Variants in DCC observed in about 807,000 individuals in gnomAD.
DCC encodes DCC netrin 1 receptor.
A neutral mutation model predicts 172.5 loss-of-function variants in DCC; 58 were observed. That is an observed-to-expected ratio of 0.34 (90% CI 0.27 to 0.42). The LOEUF is 0.42. DCC is among the 10% of genes least tolerant of loss of function. The probability of loss-of-function intolerance (pLI) is 1.00; values close to 1 mark genes in which losing one functional copy is unlikely to be tolerated. For missense variants in DCC, 1,740 were observed against 1,791.0 expected (o/e 0.97, Z 0.51); for synonymous variants, 709 against 644.5 (o/e 1.10, Z -1.52).
intron 25 of DCC, among the ~76,000 whole-genome samples, chr18:53,476,455 A>C: frequency 6.6e-6 from 1 of 152,266 alleles, no homozygotes; most frequent in East Asian, 1.9e-4. Flanking sequence ...ATAGTGAATA[A>C]GTCTGACAAG....
At chr18:53,284,645 G>A (rs567028842) in intron 12 of DCC, among the ~76,000 whole-genome samples, 33 of 152,264 alleles carry the variant, frequency 2.2e-4, no homozygotes, top group African/African-American at 7.0e-4. Flanking sequence ...TTGGTAGTGG[G>A]AGTAGGGCAC....
At chr18:52,963,238 G>A (rs1488572314) in intron 5 of DCC, among the ~76,000 whole-genome samples, 1 of 151,072 alleles carries the variant, frequency 6.6e-6, no homozygotes, top group African/African-American at 2.4e-5. Flanking sequence ...TTTATCTAAA[G>A]ATCTTTAAGT....
chr18:52,610,416 A>G (rs2034254543), intron 1 of DCC, among the ~76,000 whole-genome samples: 1 of 143,912 alleles, frequency 6.9e-6, no homozygotes, highest in African/African-American at 2.6e-5. Flanking sequence ...AAGAAAAAGA[A>G]AAAGAAAAAA....
At chr18:53,063,721 C>T in intron 6 of DCC, 1 of 410,382 alleles carries the variant, frequency 2.4e-6, no homozygotes, top group Non-Finnish European at 4.5e-6. Flanking sequence ...GAAATACAGA[C>T]AGCCTAAGTA....
At chr18:52,887,249 T>A (rs1464530172) in intron 2 of DCC, among the ~76,000 whole-genome samples, 1 of 152,188 alleles carries the variant, frequency 6.6e-6, no homozygotes, top group Non-Finnish European at 1.5e-5. Context: ...GACTAATTAA[T>A]GCAGGCTCAT....
intron 5 of DCC, among the ~76,000 whole-genome samples, chr18:52,960,037 T>C (rs1432969141): frequency 6.6e-6 from 1 of 152,112 alleles, no homozygotes; most frequent in Non-Finnish European, 1.5e-5. Context: ...TGAAAAGGTA[T>C]AGTTTCTACT....
chr18:52,609,734 A>C (rs1305095184), intron 1 of DCC, among the ~76,000 whole-genome samples: 2 of 151,986 alleles, frequency 1.3e-5, no homozygotes, highest in African/African-American at 2.4e-5. Context: ...GAAAAAAAAA[A>C]ATCTTTGTCA....
At chr18:53,038,636 G>T (rs1329284717) in intron 5 of DCC, among the ~76,000 whole-genome samples, 1 of 151,588 alleles carries the variant, frequency 6.6e-6, no homozygotes, top group East Asian at 1.9e-4. Flanking sequence ...CCCAGAATAG[G>T]TGAATTCATT....
chr18:52,726,006 A>G (rs958941487), intron 1 of DCC, among the ~76,000 whole-genome samples: 1 of 152,248 alleles, frequency 6.6e-6, no homozygotes, highest in African/African-American at 2.4e-5. Flanking sequence ...CACTTTAAAG[A>G]TAAATAAATG....
At chr18:53,153,917 C>T (rs2054684863) in intron 7 of DCC, among the ~76,000 whole-genome samples, 1 of 152,152 alleles carries the variant, frequency 6.6e-6, no homozygotes, top group African/African-American at 2.4e-5. Flanking sequence ...CTGTTGTTCC[C>T]CACTCTCTCT....
chr18:52,340,867 T>C lies in DCC; in HGVS notation c.80T>C (p.Leu27Pro). ...GGAGCTTCCTTGTTCAGCGCGCATCTTCAAGTAACCGGTAAGTGGCTCTTT... is the reference window on the plus strand; with the variant it reads ...GGAGCTTCCTTGTTCAGCGCGCATCCTCAAGTAACCGGTAAGTGGCTCTTT... ...LFGASLFSAH[L>P]QVTGFQIKAF... The change falls in exon 1 of 29, where the codon CTT (leucine) becomes CCT (proline). Residue 27 changes from leucine to proline, a missense_variant. By Grantham distance (98) the Leu-to-Pro change is moderately conservative. Around this residue, in one of 2 missense-constraint regions of DCC, gnomAD observed 1,732 missense variants for 1,767.4 expected, o/e 0.98. Transcript: ENST00000442544. 7 of 1,613,552 alleles carry C rather than the reference T, an allele frequency of 4.3e-6. No individual in the cohort carries two copies. The highest frequency in any genetic ancestry group is 5.9e-6 in the Non-Finnish European group (7 of 1,179,468).
At chr18:53,327,086 G>C (rs909899025) in intron 14 of DCC, among the ~76,000 whole-genome samples, 1 of 152,294 alleles carries the variant, frequency 6.6e-6, no homozygotes, top group Non-Finnish European at 1.5e-5. Context: ...GACTTCTGTA[G>C]TTCCTCTTGC....
chr18:53,133,714 C>T (rs890932166), intron 7 of DCC, among the ~76,000 whole-genome samples: 8 of 152,178 alleles, frequency 5.3e-5, no homozygotes, highest in Non-Finnish European at 1.0e-4. Context: ...AACAGAAAGA[C>T]TCATTGGCTT....
chr18:52,603,538 GATT>G, intron 1 of DCC, among the ~76,000 whole-genome samples: 1 of 151,474 alleles, frequency 6.6e-6, no homozygotes, highest in African/African-American at 2.4e-5. Context: ...AAAAAGTTGA[GATT>G]ATTTTTTAAA....
chr18:52,811,327 TG>T (rs1353749748), intron 2 of DCC, among the ~76,000 whole-genome samples: 4 of 152,330 alleles, frequency 2.6e-5, no homozygotes, highest in African/African-American at 9.6e-5. Context: ...GGTGTTGTTA[TG>T]GGCGACATTC....
At chr18:53,326,768 A>AGTGTTTGG (rs201748236) in intron 14 of DCC, among the ~76,000 whole-genome samples, 15,758 of 152,162 alleles carry the variant, frequency 0.1, 882 homozygotes, top group Middle Eastern at 0.19. Context: ...CTCTGAAGTG[A>AGTGTTTGG]GAAATTTCCA....
intron 5 of DCC, among the ~76,000 whole-genome samples, chr18:52,936,784 ACT>A (rs1392574097): frequency 2.6e-5 from 4 of 152,118 alleles, no homozygotes; most frequent in Non-Finnish European, 5.9e-5. Context: ...AAGGAGTTTG[ACT>A]CTGTGATAAG....
intron 5 of DCC, among the ~76,000 whole-genome samples, chr18:52,929,624 A>T (rs2040273175): frequency 6.6e-6 from 1 of 152,056 alleles, no homozygotes; most frequent in Non-Finnish European, 1.5e-5. Flanking sequence ...AATATCGGGT[A>T]TTGCTTATTT....
At chr18:52,845,912 T>C (rs1214118255) in intron 2 of DCC, among the ~76,000 whole-genome samples, 1 of 150,090 alleles carries the variant, frequency 6.7e-6, no homozygotes, top group African/African-American at 2.4e-5. Flanking sequence ...TAGAGGTTAG[T>C]TTGTTGTTTC....
Sources: gnomAD v4.1 joint callset for allele counts (sites outside exome capture counted in the v4.1 genomes callset) on GRCh38, gnomAD v4.1.1 for gene constraint, gnomAD v4.1.1 regional missense constraint, MANE v1.5 for transcripts, NCBI Gene and HGNC (gene_info 2026-07-23, HGNC 2026-07-21) for gene names.